Variants in SATB2 observed in about 807,000 individuals in gnomAD.
SATB2 encodes SATB homeobox 2.
In SATB2, 1 loss-of-function variant was observed where a neutral mutation model predicts 73.4. The observed-to-expected ratio is 0.01, with a 90% CI of 0.00 to 0.06. SATB2 has a LOEUF of 0.06. Ranked by LOEUF, SATB2 falls within the 10% of genes least tolerant of loss-of-function variation. SATB2 has a pLI of 1.00. For synonymous variants in SATB2, 397 were observed against 367.0 expected, an observed-to-expected ratio of 1.08 and a Z score of -0.93; for missense variants, 459 against 945.8, an observed-to-expected ratio of 0.49 and a Z score of 6.75.
At chr2:199,386,699 C>A in intron 3 of SATB2, among the ~76,000 whole-genome samples, 1 of 406 alleles carries the variant, frequency 2.5e-3, no homozygotes, top group South Asian at 0.17. Flanking sequence ...TGCGCAAGCG[C>A]GCGCGCGCGC....
chr2:199,334,548 G>A (rs566682361), intron 7 of SATB2, among the ~76,000 whole-genome samples: 29 of 151,630 alleles, frequency 1.9e-4, no homozygotes, highest in Admixed American at 3.3e-4. Flanking sequence ...AACCTATCAC[G>A]TTTCCCTTGA....
chr2:199,446,815 G>A (rs1178781824), intron 2 of SATB2, among the ~76,000 whole-genome samples: 3 of 152,164 alleles, frequency 2.0e-5, no homozygotes, highest in African/African-American at 7.2e-5. Context: ...AAATGCTCGG[G>A]AGAGTTCTGA....
At chr2:199,353,148 C>CTTTTTT (rs11369554) in intron 6 of SATB2, among the ~76,000 whole-genome samples, 21 of 88,024 alleles carry the variant, frequency 2.4e-4, no homozygotes, top group East Asian at 3.8e-4. Context: ...ACGTTTTTGT[C>CTTTTTT]TTTTTTTTTT....
intron 10 of SATB2, among the ~76,000 whole-genome samples, chr2:199,290,178 G>A (rs1331136142): frequency 6.6e-6 from 1 of 152,210 alleles, no homozygotes; most frequent in Non-Finnish European, 1.5e-5. Flanking sequence ...TGATGAATCT[G>A]TAAGAGCCAT....
intron 3 of SATB2, among the ~76,000 whole-genome samples, chr2:199,426,688 C>T: frequency 1.5e-5 from 1 of 67,720 alleles, no homozygotes; most frequent in East Asian, 4.8e-4. Flanking sequence ...TAACCATTCT[C>T]TCTCAAAAAA....
chr2:199,410,783 T>C (rs1690788831), intron 3 of SATB2, among the ~76,000 whole-genome samples: 1 of 152,224 alleles, frequency 6.6e-6, no homozygotes, highest in South Asian at 2.1e-4. Flanking sequence ...TAAAAGCAAG[T>C]GTTAAAACCT....
intron 3 of SATB2, among the ~76,000 whole-genome samples, chr2:199,386,652 A>T (rs188575495): frequency 6.6e-6 from 1 of 152,104 alleles, no homozygotes; most frequent in Admixed American, 6.5e-5. Flanking sequence ...AATGAGAAAA[A>T]CTAGTGATGA....
chr2:199,358,316 C>T (rs1177813549), intron 6 of SATB2, among the ~76,000 whole-genome samples: 1 of 152,052 alleles, frequency 6.6e-6, no homozygotes, highest in East Asian at 1.9e-4. Context: ...TCTGTTAATA[C>T]AAACACAGAT....
intron 9 of SATB2, among the ~76,000 whole-genome samples, chr2:199,320,864 A>G (rs75780403): frequency 4.5e-3 from 683 of 152,260 alleles, no homozygotes; most frequent in Non-Finnish European, 7.8e-3. Flanking sequence ...GATTACAGCA[A>G]TTAACACCAA....
intron 3 of SATB2, among the ~76,000 whole-genome samples, chr2:199,422,625 A>G (rs1262426990): frequency 6.6e-6 from 1 of 152,158 alleles, no homozygotes; most frequent in East Asian, 1.9e-4. Context: ...AGTGCCACTA[A>G]ATGGGATATT....
chr2:199,274,543 TAATC>T (rs1445230488), intron 10 of SATB2, among the ~76,000 whole-genome samples: 1 of 152,128 alleles, frequency 6.6e-6, no homozygotes, highest in Non-Finnish European at 1.5e-5. Flanking sequence ...TAATAATCAA[TAATC>T]AAATAATAAT....
At chr2:199,288,480 C>T (rs748467856) in intron 10 of SATB2, among the ~76,000 whole-genome samples, 2 of 152,152 alleles carry the variant, frequency 1.3e-5, no homozygotes, top group African/African-American at 2.4e-5. Context: ...GTGTTTGAAG[C>T]CTCACATGAG....
chr2:199,292,223 G>T (rs2105743946), intron 10 of SATB2, among the ~76,000 whole-genome samples: 1 of 152,280 alleles, frequency 6.6e-6, no homozygotes, highest in East Asian at 1.9e-4. Context: ...TTGCCTAAAG[G>T]AAATCTCTAA....
chr2:199,456,766 G>C (rs1314832214), intron 1 of SATB2, among the ~76,000 whole-genome samples: 1 of 152,204 alleles, frequency 6.6e-6, no homozygotes. Flanking sequence ...TTATTTTGGA[G>C]CGTTCTTATC....
intron 10 of SATB2, among the ~76,000 whole-genome samples, chr2:199,283,792 A>G (rs1692604016): frequency 6.6e-6 from 1 of 152,056 alleles, no homozygotes. Flanking sequence ...TGTATTACTT[A>G]AGTCTCAATC....
chr2:199,393,799 T>A (rs1001781438), intron 3 of SATB2, among the ~76,000 whole-genome samples: 3 of 152,172 alleles, frequency 2.0e-5, no homozygotes, highest in Non-Finnish European at 4.4e-5. Flanking sequence ...ATTTTTAAAA[T>A]TTCAAAGTAT....
chr2:199,458,372 G>A, upstream of SATB2: 1 of 302,494 alleles, frequency 3.3e-6, no homozygotes, highest in Non-Finnish European at 6.5e-6. Context: ...GAGGGAAGAG[G>A]AAGGGGAGAG....
intron 2 of SATB2, among the ~76,000 whole-genome samples, chr2:199,447,220 G>C (rs1691990318): frequency 6.6e-6 from 1 of 152,196 alleles, no homozygotes; most frequent in Admixed American, 6.5e-5. Context: ...GGTTCATTCG[G>C]AGTTGCTGAA....
chr2:199,373,907 T>G (rs1256052383), intron 5 of SATB2, among the ~76,000 whole-genome samples: 1 of 152,208 alleles, frequency 6.6e-6, no homozygotes, highest in Non-Finnish European at 1.5e-5. Flanking sequence ...TAGGTTAAAT[T>G]AAACGGACAG....
Sources: allele counts gnomAD v4.1 joint callset (sites outside exome capture counted in the v4.1 genomes callset), GRCh38; gene constraint gnomAD v4.1.1; transcripts MANE v1.5; gene names NCBI Gene and HGNC (gene_info 2026-07-23, HGNC 2026-07-21).